Variants in AFF1 observed in about 807,000 individuals in gnomAD.
AFF1 encodes the protein AF4/FMR2 family member 1.
A neutral mutation model predicts 121.7 loss-of-function variants in AFF1; 48 were observed. The observed-to-expected ratio is 0.39, with a 90% CI of 0.31 to 0.50. AFF1 has a LOEUF of 0.50. AFF1 is among the 20% of genes least tolerant of loss of function. AFF1 has a pLI of 0.76. For missense variants in AFF1, 1,523 were observed against 1,511.7 expected (o/e 1.01, Z -0.12); for synonymous variants, 613 against 563.0 (o/e 1.09, Z -1.26).
At chr4:87,111,196 TTTA>T (rs1726491751) in intron 11 of AFF1, among the ~76,000 whole-genome samples, 1 of 85,052 alleles carries the variant, frequency 1.2e-5, no homozygotes, top group Non-Finnish European at 2.6e-5. Context: ...TTTTTTTTTT[TTTA>T]GTAGAGACGG....
intron 2 of AFF1, among the ~76,000 whole-genome samples, chr4:86,996,264 C>T (rs1426939073): frequency 6.6e-6 from 1 of 151,676 alleles, no homozygotes; most frequent in Admixed American, 6.6e-5. Flanking sequence ...ATGACAATGG[C>T]GGTTTTGTGG....
chr4:87,137,302 G>A lies in AFF1; in HGVS notation c.*1601G>A, dbSNP rs369412803. 1.3e-5 allele frequency: 3 copies of A among 227,562 alleles called. No homozygotes were observed. The highest frequency in any genetic ancestry group is 5.7e-5 in the Admixed American group (1 of 17,586). 14.1% of individuals were successfully genotyped at this position (227,562 alleles called of 1,614,324 possible). A position where few individuals can be genotyped will look rare whatever the true frequency, so the allele number is the denominator to read the frequency against. Reference sequence around the variant, plus strand: ...TCACATTTTCCTATTAGTGGAGGAGGGAGAACCATATTTATTTATAATGAA... The same window carrying A: ...TCACATTTTCCTATTAGTGGAGGAGAGAGAACCATATTTATTTATAATGAA... On this transcript the variant is annotated 3_prime_UTR_variant, in exon 21 of 21. Transcript: ENST00000395146.
Position 87,007,066 on chromosome 4 carries a change from C to T in AFF1, c.39-39100C>T. On this transcript the variant is annotated intron_variant, in intron 2 of 20. Transcript: ENST00000395146. ...GCGTTGGGCGCCGGCGGTCTTCGAGCGTGGGGGCCCGCTGGCTTTCCCTTC... is the reference window on the plus strand; with the variant it reads ...GCGTTGGGCGCCGGCGGTCTTCGAGTGTGGGGGCCCGCTGGCTTTCCCTTC... The T allele has an allele frequency of 2.5e-6, 3 of 1,206,554 alleles. No homozygotes were observed. In the Middle Eastern group the frequency reaches 9.9e-4, roughly 399 times the overall value. The allele number at this position is 1,206,554 out of a possible 1,614,324, so 74.7% of individuals were successfully genotyped here.
chr4:87,113,165 C>CT (rs1177625944), intron 11 of AFF1, among the ~76,000 whole-genome samples: 1 of 152,184 alleles, frequency 6.6e-6, no homozygotes, highest in Non-Finnish European at 1.5e-5. Flanking sequence ...AGCCAGGAAC[C>CT]TATGTTTTTA....
intron 3 of AFF1, among the ~76,000 whole-genome samples, 173 bp from the exon 4 acceptor site, chr4:87,046,522 A>G (rs545310269): frequency 2.6e-5 from 4 of 152,348 alleles, no homozygotes; most frequent in East Asian, 3.9e-4. Context: ...AGTTAGTAAT[A>G]TGTATCCATG....
At chr4:86,972,729 A>G (rs919271874) in intron 2 of AFF1, among the ~76,000 whole-genome samples, 1 of 151,942 alleles carries the variant, frequency 6.6e-6, no homozygotes, top group Non-Finnish European at 1.5e-5. Context: ...TAGTAGAGAC[A>G]GGGTTTTGCT....
At chr4:87,055,221 T>C (rs1719989208) in intron 4 of AFF1, among the ~76,000 whole-genome samples, 1 of 152,214 alleles carries the variant, frequency 6.6e-6, no homozygotes. Context: ...AGAAACACTT[T>C]AAACTCTGAA....
intron 8 of AFF1, among the ~76,000 whole-genome samples, chr4:87,104,505 T>C (rs558060000): frequency 1.3e-4 from 20 of 152,358 alleles, no homozygotes; most frequent in African/African-American, 4.6e-4. Flanking sequence ...AGTATGTTTT[T>C]AGTACATTTA....
Position 87,115,082 on chromosome 4 carries a change from T to G in AFF1, c.2249T>G (p.Leu750Trp). The change falls in exon 12 of 21, where the codon TTG (leucine) becomes TGG (tryptophan). Residue 750 changes from leucine (L) to tryptophan (W), a missense_variant. Leu to Trp is a moderately conservative substitution (Grantham distance 61, BLOSUM62 -2). Around this residue, in one of 5 missense-constraint regions of AFF1, gnomAD observed 905 missense variants for 842.5 expected, o/e 1.07. Transcript: ENST00000395146. ...CGCAAAGACAGACTCCCATTGCCTTTGAGAGACACCAAGCTGCTCTCACCG... is the reference window on the plus strand; with the variant it reads ...CGCAAAGACAGACTCCCATTGCCTTGGAGAGACACCAAGCTGCTCTCACCG... ...DSRKDRLPLP[L>W]RDTKLLSPLR... 1 of 1,614,168 alleles carries G rather than the reference T, an allele frequency of 6.2e-7. No individual in the cohort carries two copies. The highest frequency in any genetic ancestry group is 8.5e-7 in the Non-Finnish European group (1 of 1,180,032).
intron 2 of AFF1, among the ~76,000 whole-genome samples, chr4:86,976,572 A>G (rs543984729): frequency 8.1e-4 from 123 of 152,322 alleles, no homozygotes; most frequent in African/African-American, 2.7e-3. Context: ...TATCAAGTAC[A>G]TATGGACAGA....
intron 2 of AFF1, among the ~76,000 whole-genome samples, chr4:87,000,736 G>T (rs1455681915): frequency 6.6e-6 from 1 of 151,850 alleles, no homozygotes; most frequent in East Asian, 1.9e-4. Flanking sequence ...CAGGGTATTA[G>T]GGTAAGGAAG....
chr4:86,952,694 T>G lies in AFF1; in HGVS notation c.38+4123T>G, dbSNP rs896856859. ...AAAAAAACAAAAACACAACTTTTTTTTTTTTTTTTTTTGAGATGGAGTCTC... is the reference window on the plus strand; with the variant it reads ...AAAAAAACAAAAACACAACTTTTTTGTTTTTTTTTTTTGAGATGGAGTCTC... On this transcript the variant is annotated intron_variant, in intron 2 of 20. Transcript: ENST00000395146. 2.4e-4 allele frequency among the ~76,000 whole-genome samples: 36 copies of G among 148,212 alleles called. 1 individual carries two copies. Among genetic ancestry groups the G allele is most frequent in the East Asian group, 1.4e-3 (7 of 5,088 alleles).
At chr4:87,026,016 T>A (rs972723044) in intron 2 of AFF1, among the ~76,000 whole-genome samples, 2 of 149,536 alleles carry the variant, frequency 1.3e-5, no homozygotes, top group Non-Finnish European at 3.0e-5. Context: ...AGTTAGGAAG[T>A]GGCAGAGCCT....
At chr4:86,985,156 AATATAATAT>A (rs1484983786) in intron 2 of AFF1, among the ~76,000 whole-genome samples, 43 of 29,534 alleles carry the variant, frequency 1.5e-3, no homozygotes, top group Admixed American at 2.0e-3. Flanking sequence ...AATATATAAA[AATATAATAT>A]ATATAATATG....
At chr4:86,955,105 C>G (rs1204772043) in intron 2 of AFF1, among the ~76,000 whole-genome samples, 1 of 152,038 alleles carries the variant, frequency 6.6e-6, no homozygotes, top group Non-Finnish European at 1.5e-5. Context: ...TTAAATTATC[C>G]AGATTTCCAG....
At chr4:86,981,340 A>G (rs1294981490) in intron 2 of AFF1, among the ~76,000 whole-genome samples, 1 of 151,986 alleles carries the variant, frequency 6.6e-6, no homozygotes, top group Non-Finnish European at 1.5e-5. Flanking sequence ...TAGTTCTGAT[A>G]TGCACAAATT....
At position 87,140,591 on chromosome 4, in the gene AFF1, A is replaced by C; in HGVS notation, c.*4890A>C. 1 of 183,996 alleles carries C rather than the reference A, an allele frequency of 5.4e-6. No individual in the cohort carries two copies. Among genetic ancestry groups the C allele is most frequent in the Non-Finnish European group, 1.2e-5 (1 of 86,398 alleles). The allele number at this position is 183,996 out of a possible 1,614,324, so 11.4% of individuals were successfully genotyped here. A position where few individuals can be genotyped will look rare whatever the true frequency, so the allele number is the denominator to read the frequency against. ...AGTAAATTTTCCAGTTGATAAATGAAAATCACTGGCCTATGTTTAATAAGT... is the reference window on the plus strand; with the variant it reads ...AGTAAATTTTCCAGTTGATAAATGACAATCACTGGCCTATGTTTAATAAGT... On this transcript the variant is annotated 3_prime_UTR_variant, in exon 21 of 21. Coordinates refer to ENST00000395146, the MANE Select transcript of AFF1 (RefSeq NM_001166693.3).
chr4:87,036,925 A>T, intron 2 of AFF1: 1 of 371,428 alleles, frequency 2.7e-6, no homozygotes, highest in Non-Finnish European at 5.2e-6. Flanking sequence ...TCTGCCTCTC[A>T]GGCTCAAGTG....
intron 16 of AFF1, among the ~76,000 whole-genome samples, chr4:87,130,451 CAA>C (rs1473664074): frequency 2.0e-5 from 3 of 152,308 alleles, no homozygotes; most frequent in Middle Eastern, 3.4e-3. Context: ...TGCTGTGTGA[CAA>C]AGTGTGTATT....
Sources: gnomAD v4.1 joint callset for allele counts (sites outside exome capture counted in the v4.1 genomes callset) on GRCh38, gnomAD v4.1.1 for gene constraint, gnomAD v4.1.1 regional missense constraint, MANE v1.5 for transcripts, NCBI Gene and HGNC (gene_info 2026-07-23, HGNC 2026-07-21) for gene names.